Variants in NDC80 observed in about 807,000 individuals in gnomAD.
The protein encoded by NDC80 is NDC80 kinetochore complex component.
In NDC80, 69 loss-of-function variants were observed where a neutral mutation model predicts 89.3. The observed-to-expected ratio is 0.77, with a 90% CI of 0.64 to 0.94. The LOEUF (loss-of-function observed/expected upper bound fraction) is 0.94, where lower values mean the gene tolerates loss of function less well. Among genes scored for constraint, NDC80 ranks in the 40% least tolerant of loss-of-function variants. The pLI is 0.00. For synonymous variants in NDC80, 243 were observed against 255.6 expected, an observed-to-expected ratio of 0.95 and a Z score of 0.47; for missense variants, 593 against 739.6, an observed-to-expected ratio of 0.80 and a Z score of 2.30.
chr18:2,606,150 A>G (rs1275087014), intron 13 of NDC80, among the ~76,000 whole-genome samples: 3 of 151,044 alleles, frequency 2.0e-5, no homozygotes, highest in Admixed American at 1.3e-4. Flanking sequence ...TTAATAATAT[A>G]TAATATATAT....
Position 2,595,427 on chromosome 18 carries a change from G to A in NDC80, c.1027G>A (p.Glu343Lys). Reference protein sequence around the residue: ...EEIARVELECETIKQENTRLQ... With the variant: ...EEIARVELECKTIKQENTRLQ... ...TTTTTCCAACACAGAACTAGAATGT[G>A]AAACAATAAAACAGGAGAACACTCG... The change falls in exon 11 of 17, where the codon GAA becomes AAA. Residue 343 changes from glutamate to lysine, a missense_variant. Transcript: ENST00000261597. 3 of 1,613,168 alleles carry A rather than the reference G, an allele frequency of 1.9e-6. No homozygotes were observed. Among genetic ancestry groups the A allele is most frequent in the South Asian group, 1.1e-5 (1 of 90,986 alleles).
intron 2 of NDC80, among the ~76,000 whole-genome samples, chr18:2,573,862 G>T (rs1342024406): frequency 6.6e-6 from 1 of 151,852 alleles, no homozygotes; most frequent in Non-Finnish European, 1.5e-5. Context: ...AAGCTAAAAG[G>T]TCACCATTGT....
intron 13 of NDC80, among the ~76,000 whole-genome samples, chr18:2,601,736 G>A (rs1237262087): frequency 6.6e-6 from 1 of 151,920 alleles, no homozygotes; most frequent in Non-Finnish European, 1.5e-5. Flanking sequence ...TTTTAATAGA[G>A]AAGTGTCTCT....
At chr18:2,608,420 G>C (rs1351282873) in intron 14 of NDC80, among the ~76,000 whole-genome samples, 2 of 151,838 alleles carry the variant, frequency 1.3e-5, no homozygotes, top group East Asian at 3.9e-4. Context: ...TGGCCAGGCT[G>C]GTCTCAAACC....
At chr18:2,615,311 T>G (rs962347817) in intron 16 of NDC80, 1 of 152,206 alleles carries the variant, frequency 6.6e-6, no homozygotes, top group African/African-American at 2.4e-5. Flanking sequence ...TTAGAGTTAT[T>G]AAGGTTAGTC....
chr18:2,591,799 G>T, intron 10 of NDC80, among the ~76,000 whole-genome samples: 2 of 146,896 alleles, frequency 1.4e-5, no homozygotes, highest in African/African-American at 2.5e-5. Context: ...GTGTCACCCA[G>T]GCTGAAGTGC....
intron 6 of NDC80, among the ~76,000 whole-genome samples, chr18:2,580,982 C>T (rs1479062444): frequency 2.6e-5 from 4 of 151,716 alleles, no homozygotes; most frequent in African/African-American, 4.8e-5. Context: ...CCTCGTGATC[C>T]GCCCACCTCA....
chr18:2,581,239 G>T (rs532692352), intron 6 of NDC80, among the ~76,000 whole-genome samples: 2 of 151,970 alleles, frequency 1.3e-5, no homozygotes, highest in Non-Finnish European at 2.9e-5. Flanking sequence ...AAATTTTCTC[G>T]TAGTATTTTG....
intron 11 of NDC80, among the ~76,000 whole-genome samples, chr18:2,598,325 T>C (rs1294709249): frequency 6.6e-6 from 1 of 152,248 alleles, no homozygotes; most frequent in Non-Finnish European, 1.5e-5. Flanking sequence ...ATCTACTATA[T>C]GCCAAGCACT....
At chr18:2,579,199 G>A in intron 6 of NDC80, 170 bp downstream of exon 6, 1 of 402,372 alleles carries the variant, frequency 2.5e-6, no homozygotes, top group Non-Finnish European at 4.4e-6. Flanking sequence ...CAAGGTAAAA[G>A]GAAGAAAGTA....
chr18:2,574,891 C>T, intron 2 of NDC80, 98 bp from the exon 3 acceptor site: 1 of 720,628 alleles, frequency 1.4e-6, no homozygotes, highest in Non-Finnish European at 2.3e-6. Context: ...ATTTTTATAG[C>T]TAGTGGGGAA....
At chr18:2,582,771 T>C (rs912890567) in intron 6 of NDC80, 1 of 152,244 alleles carries the variant, frequency 6.6e-6, no homozygotes, top group South Asian at 2.1e-4. Flanking sequence ...GACCTCTATT[T>C]GTTCATTGTT....
At chr18:2,577,570 C>T (rs778997420) in intron 3 of NDC80, among the ~76,000 whole-genome samples, 176 bp from the exon 4 acceptor site, 2 of 152,182 alleles carry the variant, frequency 1.3e-5, no homozygotes, top group African/African-American at 4.8e-5. Context: ...GCTGTAACCT[C>T]ATATTTTACT....
Position 2,608,804 on chromosome 18 carries a change from G to A in NDC80, c.1662G>A (p.Met554Ile), listed in dbSNP as rs145075027. Residue 554 changes from methionine (M) to isoleucine (I), a missense_variant, in exon 15 of 17, where the codon ATG (methionine) becomes ATA (isoleucine). By Grantham distance (10) the Met-to-Ile change is conservative. Coordinates refer to ENST00000261597, the MANE Select transcript of NDC80 (RefSeq NM_006101.3). The stretch of plus-strand genomic sequence containing the variant: ...TTAACCAGGGGCTCAGTGAAGCTAT[G>A]AATGAATTAGATGCTGTTCAGCGGG... ...STVNQGLSEA[M>I]NELDAVQREY... The A allele has an allele frequency of 3.1e-6, 5 of 1,611,718 alleles. No individual in the cohort carries two copies. The highest frequency in any genetic ancestry group is 3.4e-6 in the Non-Finnish European group (4 of 1,178,322).
Position 2,608,831 on chromosome 18 carries a change from G to A in NDC80, c.1688+1G>A. The A allele has an allele frequency of 6.2e-7, 1 of 1,601,306 alleles. No individual in the cohort carries two copies. The highest frequency in any genetic ancestry group is 1.1e-5 in the South Asian group (1 of 90,032). On this transcript the variant is annotated splice_donor_variant, in intron 15 of 16. Transcript: ENST00000261597. LOFTEE classifies it high-confidence loss of function. ...ATGAATTAGATGCTGTTCAGCGGGA[G>A]TAAGTTTATCTCACCAAGATTTATA...
chr18:2,574,934 T>C lies in NDC80; in HGVS notation c.102-55T>C, dbSNP rs2072538692. On this transcript the variant is annotated intron_variant, in intron 2 of 16. Coordinates refer to ENST00000261597, the MANE Select transcript of NDC80 (RefSeq NM_006101.3). ...TGGTTCTAATATATTTCTAAAAGTTTCTTGAGCTAATTTTAATTTTTATTT... is the reference window on the plus strand; with the variant it reads ...TGGTTCTAATATATTTCTAAAAGTTCCTTGAGCTAATTTTAATTTTTATTT... 4 of 1,143,340 alleles carry C rather than the reference T, an allele frequency of 3.5e-6. No individual in the cohort carries two copies. In the Admixed American group the frequency reaches 9.1e-5, roughly 26 times the overall value. 70.8% of individuals were successfully genotyped at this position (1,143,340 alleles called of 1,614,324 possible). A position where few individuals can be genotyped will look rare whatever the true frequency, so the allele number is the denominator to read the frequency against.
At chr18:2,574,549 G>A (rs1363323386) in intron 2 of NDC80, among the ~76,000 whole-genome samples, 1 of 151,974 alleles carries the variant, frequency 6.6e-6, no homozygotes, top group East Asian at 1.9e-4. Context: ...TAATAATAAT[G>A]ATATTTAGGC....
At chr18:2,578,636 A>T (rs541670375) in intron 5 of NDC80, among the ~76,000 whole-genome samples, 1 of 152,302 alleles carries the variant, frequency 6.6e-6, no homozygotes. Flanking sequence ...CATGTCATTT[A>T]TTGGGGGTAT....
chr18:2,605,274 A>ATGTGTGTGTGTG (rs60324126), intron 13 of NDC80, among the ~76,000 whole-genome samples: 137 of 127,276 alleles, frequency 1.1e-3, no homozygotes, highest in Non-Finnish European at 1.4e-3. Flanking sequence ...GGCTATATGT[A>ATGTGTGTGTGTG]TGTGTGTGTG....
Sources: allele counts gnomAD v4.1 joint callset (sites outside exome capture counted in the v4.1 genomes callset), GRCh38; gene constraint gnomAD v4.1.1; transcripts MANE v1.5; gene names NCBI Gene and HGNC (gene_info 2026-07-23, HGNC 2026-07-21).